NEB: variants seen among roughly 807,000 people sequenced by gnomAD.
The protein encoded by NEB is nebulin.
Under a neutral mutation model 952.2 loss-of-function variants are expected in NEB, and 512 were observed. That is an observed-to-expected ratio of 0.54 (90% CI 0.50 to 0.58). The LOEUF (loss-of-function observed/expected upper bound fraction) is 0.58. NEB is among the 20% of genes least tolerant of loss of function. The probability of loss-of-function intolerance (pLI) is 0.00; values close to 1 mark genes in which losing one functional copy is unlikely to be tolerated. For synonymous variants in NEB, 2,900 were observed against 3,149.8 expected (o/e 0.92, Z 2.66); for missense variants, 8,428 against 9,231.1 (o/e 0.91, Z 3.56).
At chr2:151,560,954 G>GAAGGGGGAAAGGTGGCTCATATAT (rs1258206557) in intron 123 of NEB, 50 bp downstream of exon 123, 1 of 1,155,706 alleles carries the variant, frequency 8.7e-7, no homozygotes, top group African/African-American at 1.5e-5. Context: ...TACTGTCCCA[G>GAAGGGGGAAAGGTGGCTCATATAT]AAGGGGGAAA....
In NEB at chr2:151,503,375, T is replaced by C. The variant is rs1559303644; in HGVS notation, c.23809A>G (p.Lys7937Glu). The change falls in exon 166 of 182, where the codon AAA becomes GAA. Residue 7937 changes from lysine to glutamate, a missense_variant. Lys to Glu is a moderately conservative substitution (Grantham distance 56, BLOSUM62 1). Transcript: ENST00000397345. ...TTVTPEIERV[K>E]RNQENFSSVL... ...GAGCTAAAGTTCTCTTGATTGCGTTTGACTCTCTCAATCTCTGGAGTCACA... is the reference window on the plus strand; with the variant it reads ...GAGCTAAAGTTCTCTTGATTGCGTTCGACTCTCTCAATCTCTGGAGTCACA... 1 of 1,612,398 alleles carries C rather than the reference T, an allele frequency of 6.2e-7. No individual in the cohort carries two copies. Among genetic ancestry groups the C allele is most frequent in the Non-Finnish European group, 8.5e-7 (1 of 1,178,676 alleles).
In NEB at chr2:151,576,009, G is replaced by A. The variant is rs2096816161; in HGVS notation, c.16908+142C>T. The A allele has an allele frequency of 5.4e-5, 41 of 763,064 alleles. 2 individuals are homozygous for A. In the South Asian group the frequency reaches 8.9e-4, roughly 17 times the overall value. The allele number at this position is 763,064 out of a possible 1,614,324, so 47.3% of individuals were successfully genotyped here. On this transcript the variant is annotated intron_variant, in intron 106 of 181. Transcript: ENST00000397345. ...TAGAGTTTTTGCTTAAAATTAATAA[G>A]CAAACCAAGACAATACTGTATTACT...
intron 165 of NEB, among the ~76,000 whole-genome samples, chr2:151,504,984 G>T (rs1192203924): frequency 1.3e-5 from 2 of 152,054 alleles, no homozygotes; most frequent in Non-Finnish European, 2.9e-5. Flanking sequence ...GAGGGGAGAA[G>T]AGACTTCACA....
chr2:151,615,630 ATTAT>A (rs2098167320), intron 76 of NEB, among the ~76,000 whole-genome samples: 1 of 152,180 alleles, frequency 6.6e-6, no homozygotes, highest in African/African-American at 2.4e-5. Flanking sequence ...TTTCTCACAT[ATTAT>A]TTAAAGGGAA....
At chr2:151,722,974 G>C (rs1383598880) in intron 9 of NEB, among the ~76,000 whole-genome samples, 1 of 152,170 alleles carries the variant, frequency 6.6e-6, no homozygotes. Context: ...TTACTTAATA[G>C]ATTTGGGAAG....
rs1031006426 is a variant in NEB at position 151,543,676 on chromosome 2, G to A, written c.20578-2125C>T. Among the ~76,000 whole-genome samples the A allele has an allele frequency of 6.6e-5, 10 of 151,992 alleles. No individual in the cohort carries two copies. The Middle Eastern group carries it at 0.014, about 207-fold the overall frequency. ...TATTTATGTATTGATTTTTAGAGAC[G>A]GGGTCTCACTATATTGCCCAGGCTG... On this transcript the variant is annotated intron_variant, in intron 135 of 181. Coordinates refer to ENST00000397345, the MANE Select transcript of NEB (RefSeq NM_001164508.2).
chr2:151,649,383 A>T (rs1186514277), intron 54 of NEB, among the ~76,000 whole-genome samples: 1 of 152,144 alleles, frequency 6.6e-6, no homozygotes. Context: ...TGATATATGT[A>T]AAGTGTATAG....
chr2:151,614,430 C>G lies in NEB; in HGVS notation c.11447G>C (p.Ser3816Thr). Reference protein sequence around the residue: ...KEFEKWKTKFSSPVDMLGVVL... With the variant: ...KEFEKWKTKFTSPVDMLGVVL... ...CACCCCCAGCATGTCCACTGGGCTGCTGAACTTGGTCTTCCACTTCTCAAA... is the reference window on the plus strand; with the variant it reads ...CACCCCCAGCATGTCCACTGGGCTGGTGAACTTGGTCTTCCACTTCTCAAA... The change falls in exon 77 of 182, where the codon AGC becomes ACC. Residue 3816 changes from serine to threonine, a missense_variant. This residue lies in a region of NEB where 1,772 missense variants were observed against 1,960.3 expected (regional missense o/e 0.90). Coordinates refer to ENST00000397345, the MANE Select transcript of NEB (RefSeq NM_001164508.2). 6.2e-7 allele frequency: 1 copy of G among 1,613,934 alleles called. No individual in the cohort carries two copies.
intron 4 of NEB, among the ~76,000 whole-genome samples, chr2:151,729,123 GC>G (rs2099799388): frequency 6.6e-6 from 1 of 152,154 alleles, no homozygotes; most frequent in Non-Finnish European, 1.5e-5. Context: ...ATTTAGAATT[GC>G]TAATGTGCTA....
rs572870212 is a variant in NEB, at chr2:151,552,744, C to T, written c.19764G>A (p.Arg6588=). 1 of 1,613,206 alleles carries T rather than the reference C, an allele frequency of 6.2e-7. No homozygotes were observed. Among genetic ancestry groups the T allele is most frequent in the African/African-American group, 1.3e-5 (1 of 75,006 alleles). Residue 6588 remains arginine, a synonymous_variant, in exon 128 of 182, where the codon AGG becomes AGA. Coordinates refer to ENST00000397345, the MANE Select transcript of NEB (RefSeq NM_001164508.2). ...IKYKAHMLKT[R]NDYKLVTDTP... ...TATCTGTGACAAGCTTGTAGTCATT[C>T]CTTGTTTTCAACATGTGAGCTTTAT... is the stretch of plus-strand genomic sequence containing the variant.
intron 81 of NEB, among the ~76,000 whole-genome samples, chr2:151,608,905 C>CAAAAAAA (rs1163520121): frequency 7.3e-4 from 25 of 34,430 alleles, no homozygotes; most frequent in African/African-American, 2.5e-3. Flanking sequence ...CTCCGTCTCA[C>CAAAAAAA]AAAAAAAAAA....
At chr2:151,554,398 CA>C (rs766585877) in intron 125 of NEB, among the ~76,000 whole-genome samples, 1 of 150,448 alleles carries the variant, frequency 6.6e-6, no homozygotes, top group African/African-American at 2.4e-5. Flanking sequence ...CCAATCGCTA[CA>C]AAAAAAAACC....
chr2:151,710,258 A>G (rs1301285793), intron 11 of NEB, among the ~76,000 whole-genome samples, 176 bp downstream of exon 11: 1 of 152,238 alleles, frequency 6.6e-6, no homozygotes, highest in Non-Finnish European at 1.5e-5. Flanking sequence ...ATTTCTCAAA[A>G]GGAAAGAGAG....
chr2:151,592,363 C>A (rs2097313396), intron 94 of NEB, among the ~76,000 whole-genome samples: 1 of 136,884 alleles, frequency 7.3e-6, no homozygotes, highest in Non-Finnish European at 1.6e-5. Flanking sequence ...ATGAAAAGTT[C>A]TTTTTGGATG....
intron 159 of NEB, 107 bp downstream of exon 159, chr2:151,514,211 C>CT (rs2076336959): frequency 4.0e-6 from 3 of 742,188 alleles, no homozygotes; most frequent in Non-Finnish European, 4.7e-6. Context: ...ATGAAAAGCT[C>CT]TGTTTTTCTC....
chr2:151,675,458 AT>A, intron 34 of NEB, 67 bp from the exon 35 acceptor site: 1 of 1,066,782 alleles, frequency 9.4e-7, no homozygotes, highest in Non-Finnish European at 1.4e-6. Context: ...TTAAAGAGTT[AT>A]TTTTAGCACA....
Position 151,695,670 on chromosome 2 carries a change from C to T in NEB, c.1582G>A (p.Ala528Thr), listed in dbSNP as rs1193314318. ...TTGAACTTTTCACTTTCATGTTTTG[C>T]TTTGTAATTTAACTATGACAGAGAG... Reference protein sequence around the residue: ...SKQLSDLNYKAKHESEKFKCH... With the variant: ...SKQLSDLNYKTKHESEKFKCH... The change falls in exon 18 of 182, where the codon GCA (alanine) becomes ACA (threonine). Residue 528 changes from alanine (A) to threonine (T), a missense_variant. Coordinates refer to ENST00000397345, the MANE Select transcript of NEB (RefSeq NM_001164508.2). 1.9e-6 allele frequency: 3 copies of T among 1,612,764 alleles called. No homozygotes were observed. The highest frequency in any genetic ancestry group is 1.1e-5 in the South Asian group (1 of 90,924).
Position 151,697,231 on chromosome 2 carries a change from C to T in NEB, c.1387G>A (p.Glu463Lys), listed in dbSNP as rs756639505. The change falls in exon 16 of 182, where the codon GAA becomes AAA. Residue 463 changes from glutamate to lysine, a missense_variant. Around this residue, in one of 11 missense-constraint regions of NEB, gnomAD observed 2,851 missense variants for 2,791.5 expected, o/e 1.02. Coordinates refer to ENST00000397345, the MANE Select transcript of NEB (RefSeq NM_001164508.2). ...AAGAAGCCTTTGCCTCTGTCTTCTTCGTATTCTGCTTTGTAGTTTTTCTAT... is the reference window on the plus strand; with the variant it reads ...AAGAAGCCTTTGCCTCTGTCTTCTTTGTATTCTGCTTTGTAGTTTTTCTAT... ...NSDKNYKAEY[E>K]EDRGKGFFPQ... 1.1e-5 allele frequency: 18 copies of T among 1,613,828 alleles called. No individual in the cohort carries two copies. Among genetic ancestry groups the T allele is most frequent in the Middle Eastern group, 1.6e-4 (1 of 6,062 alleles).
At chr2:151,501,339 T>C in intron 168 of NEB, 52 bp downstream of exon 168, 1 of 1,231,378 alleles carries the variant, frequency 8.1e-7, no homozygotes, top group Non-Finnish European at 1.2e-6. Context: ...TGTTCTGTTT[T>C]GTAGAAATTA....
Sources: allele counts gnomAD v4.1 joint callset (sites outside exome capture counted in the v4.1 genomes callset), GRCh38; gene constraint gnomAD v4.1.1; regional missense constraint gnomAD v4.1.1; transcripts MANE v1.5; gene names NCBI Gene and HGNC (gene_info 2026-07-23, HGNC 2026-07-21).